The following TOR2A variants were observed in gnomAD, a reference collection of about 807,000 sequenced individuals.
The protein encoded by TOR2A is prosalusin.
A neutral mutation model predicts 28.6 loss-of-function variants in TOR2A; 24 were observed. The ratio of observed to expected loss-of-function variants is 0.84; its 90% CI spans 0.61 to 1.18. The LOEUF is 1.18. TOR2A is among the 50% of genes most tolerant of loss of function. The probability of loss-of-function intolerance (pLI) is 0.00; values close to 1 mark genes in which losing one functional copy is unlikely to be tolerated. For synonymous variants in TOR2A, 203 were observed against 203.1 expected (o/e 1.00, Z 0.00); for missense variants, 426 against 448.1 (o/e 0.95, Z 0.45).
chr9:127,734,997 T>TCGGTC (rs1844626839), intron 1 of TOR2A, 123 bp downstream of exon 1: 1 of 1,291,610 alleles, frequency 7.7e-7, no homozygotes, highest in Non-Finnish European at 9.9e-7. Context: ...GCCCCGCCCC[T>TCGGTC]CGGTCCCACC....
rs563395281 is a variant in TOR2A at position 127,733,995 on chromosome 9, A to G, written c.417+304T>C. On this transcript the variant is annotated intron_variant, in intron 2 of 4. Transcript: ENST00000373284. ...TGGGGCTGATTTCCAGCAAGACAACAGTGCAGATTATCTGACAAACATAGG... is the reference window on the plus strand; with the variant it reads ...TGGGGCTGATTTCCAGCAAGACAACGGTGCAGATTATCTGACAAACATAGG... The G allele has an allele frequency of 7.4e-4, 318 of 429,196 alleles. 1 individual carries two copies. Among genetic ancestry groups the G allele is most frequent in the Middle Eastern group, 2.9e-3 (5 of 1,696 alleles). 26.6% of individuals were successfully genotyped at this position (429,196 alleles called of 1,614,324 possible). A position where few individuals can be genotyped will look rare whatever the true frequency, so the allele number is the denominator to read the frequency against.
intron 1 of TOR2A, 141 bp downstream of exon 1, chr9:127,734,979 G>A (rs140991537): frequency 1.1e-5 from 14 of 1,247,670 alleles, no homozygotes; most frequent in Non-Finnish European, 9.3e-6. Flanking sequence ...ACCCTCCCAA[G>A]TCTGCGGGCC....
rs368374441 is a variant in TOR2A, at chr9:127,732,585, C to T, written c.700G>A (p.Ala234Thr). The stretch of plus-strand genomic sequence containing the variant: ...TCACGGTGCGGGTTGTCCAGCACCG[C>T]GCGGGAGATGACCGGCTCCAGCTCC... ...LQELEPVISR[A>T]VLDNPHHGFS... is the part of the protein sequence containing the mutation. The change falls in exon 4 of 5, where the codon GCG becomes ACG. Residue 234 changes from alanine to threonine, a missense_variant. By Grantham distance (58) the Ala-to-Thr change is moderately conservative. Transcript: ENST00000373284. 40 of 1,590,810 alleles carry T rather than the reference C, an allele frequency of 2.5e-5. No homozygotes were observed. The highest frequency in any genetic ancestry group is 8.0e-5 in the South Asian group (7 of 87,792).
At chr9:127,732,511 C>A in intron 4 of TOR2A, 53 bp downstream of exon 4, 1 of 1,525,728 alleles carries the variant, frequency 6.6e-7, no homozygotes, top group Admixed American at 1.9e-5. Flanking sequence ...GAGAGCCTGG[C>A]CCCTGGGTGT....
At chr9:127,734,073 CCTGGCATGTAGGT>C in intron 2 of TOR2A, 1 of 490,992 alleles carries the variant, frequency 2.0e-6, no homozygotes. Context: ...TCACAACAAC[CCTGGCATGTAGGT>C]ACTGCCAGGG....
chr9:127,732,574 G>A lies in TOR2A; in HGVS notation c.711C>T (p.Asp237=). Residue 237 remains aspartate, a synonymous_variant, in exon 4 of 5, where the codon GAC becomes GAT. Coordinates refer to ENST00000373284, the MANE Select transcript of TOR2A (RefSeq NM_001085347.3). ...LEPVISRAVL[D]NPHHGFSNSG... ...CTGAGCCAGACTCACGGTGCGGGTT[G>A]TCCAGCACCGCGCGGGAGATGACCG... The A allele has an allele frequency of 6.3e-7, 1 of 1,591,740 alleles. No homozygotes were observed. The highest frequency in any genetic ancestry group is 1.1e-5 in the South Asian group (1 of 88,160).
Position 127,735,231 on chromosome 9 carries a change from G to A in TOR2A, c.40C>T (p.Leu14Phe). Reference protein sequence around the residue: ...ATRGCRPWGSLLGLLGLVSAA... With the variant: ...ATRGCRPWGSFLGLLGLVSAA... ...GAGACCAGCCCGAGCAGCCCGAGGAGCGAGCCCCAGGGCCGGCAGCCGCGC... is the reference window on the plus strand; with the variant it reads ...GAGACCAGCCCGAGCAGCCCGAGGAACGAGCCCCAGGGCCGGCAGCCGCGC... Residue 14 changes from leucine to phenylalanine, a missense_variant, in exon 1 of 5, where the codon CTC (leucine) becomes TTC (phenylalanine). By Grantham distance (22) the Leu-to-Phe change is conservative. Coordinates refer to ENST00000373284, the MANE Select transcript of TOR2A (RefSeq NM_001085347.3). The A allele has an allele frequency of 6.9e-7, 1 of 1,457,130 alleles. No individual in the cohort carries two copies. The allele number at this position is 1,457,130 out of a possible 1,614,324, so 90.3% of individuals were successfully genotyped here. A position where few individuals can be genotyped will look rare whatever the true frequency, so the allele number is the denominator to read the frequency against.
At position 127,732,096 on chromosome 9, in the gene TOR2A, C is replaced by T. The variant is rs748816852; in HGVS notation, c.904G>A (p.Glu302Lys). ...CAGCCGTTGGAGGAGAAGAGCTGCT[C>T]GTCTTCAGGGAAGAAGGTGGTGCTG... ...LDSTTFFPED[E>K]QLFSSNGCKT... The change falls in exon 5 of 5, where the codon GAG becomes AAG. Residue 302 changes from glutamate (E) to lysine (K), a missense_variant. By Grantham distance (56) the Glu-to-Lys change is moderately conservative (BLOSUM62 1). Transcript: ENST00000373284. 22 of 1,613,744 alleles carry T rather than the reference C, an allele frequency of 1.4e-5. No homozygotes were observed. The African/African-American group carries it at 1.6e-4, about 12-fold the overall frequency.
chr9:127,733,258 G>A, intron 3 of TOR2A, 127 bp downstream of exon 3: 1 of 1,612,852 alleles, frequency 6.2e-7, no homozygotes, highest in African/African-American at 1.3e-5. Flanking sequence ...GAGTGGCGGA[G>A]GGCACTGGGA....
At position 127,732,547 on chromosome 9, in the gene TOR2A, T is replaced by C. The variant is rs756041438; in HGVS notation, c.721+17A>G. 1.9e-6 allele frequency: 3 copies of C among 1,570,992 alleles called. No individual in the cohort carries two copies. Among genetic ancestry groups the C allele is most frequent in the African/African-American group, 1.3e-5 (1 of 74,450 alleles). On this transcript the variant is annotated intron_variant, in intron 4 of 4. Coordinates refer to ENST00000373284, the MANE Select transcript of TOR2A (RefSeq NM_001085347.3). ...GGGGTGAAGCTGCCCGGGAGGGGGCTGCTGAGCCAGACTCACGGTGCGGGT... is the reference window on the plus strand; with the variant it reads ...GGGGTGAAGCTGCCCGGGAGGGGGCCGCTGAGCCAGACTCACGGTGCGGGT...
At chr9:127,734,715 G>GACCACC in intron 1 of TOR2A, 151 bp from the exon 2 acceptor site, 1 of 965,768 alleles carries the variant, frequency 1.0e-6, no homozygotes, top group South Asian at 2.7e-5. Context: ...GGTCTGTGGC[G>GACCACC]GAAAAGAGCC....
intron 2 of TOR2A, chr9:127,733,916 A>G: frequency 2.5e-6 from 1 of 407,724 alleles, no homozygotes; most frequent in Non-Finnish European, 4.4e-6. Flanking sequence ...CCTGCAATCA[A>G]CAACAGTAGT....
chr9:127,734,658 C>T (rs1844612504), intron 1 of TOR2A, 94 bp from the exon 2 acceptor site: 25 of 1,344,252 alleles, frequency 1.9e-5, no homozygotes, highest in Non-Finnish European at 2.9e-6. Flanking sequence ...ACTCCTGTGT[C>T]CTTACGTTTG....
intron 3 of TOR2A, chr9:127,733,144 G>T (rs1844530917): frequency 1.3e-6 from 2 of 1,538,140 alleles, no homozygotes; most frequent in African/African-American, 2.8e-5. Flanking sequence ...TCTTGACCTG[G>T]CAGGGCTTCC....
At position 127,734,919 on chromosome 9, in the gene TOR2A, G is replaced by C. The variant is rs957599341; in HGVS notation, c.151+201C>G. On this transcript the variant is annotated intron_variant, in intron 1 of 4. Coordinates refer to ENST00000373284, the MANE Select transcript of TOR2A (RefSeq NM_001085347.3). ...TTCCACCAAGGGTTCTGCTGGCTGA[G>C]GCCTCTCTCCAGGTTGGCAGGGCCT... 4 of 740,248 alleles carry C rather than the reference G, an allele frequency of 5.4e-6. No individual in the cohort carries two copies. The African/African-American group carries it at 7.4e-5, about 14-fold the overall frequency. The allele number at this position is 740,248 out of a possible 1,614,324, so 45.9% of individuals were successfully genotyped here.
At chr9:127,734,962 A>C (rs915470593) in intron 1 of TOR2A, 158 bp downstream of exon 1, 1 of 1,115,002 alleles carries the variant, frequency 9.0e-7, no homozygotes, top group Non-Finnish European at 1.2e-6. Flanking sequence ...CTCAACGGGT[A>C]CCCTCCACCC....
At chr9:127,734,879 G>C in intron 1 of TOR2A, 1 of 593,786 alleles carries the variant, frequency 1.7e-6, no homozygotes, top group East Asian at 3.5e-5. Context: ...GGCCATTCCG[G>C]GGAGGCCCAA....
At position 127,734,512 on chromosome 9, in the gene TOR2A, C is replaced by A. The variant is rs1019193373; in HGVS notation, c.204G>T (p.Ala68=). The A allele has an allele frequency of 1.3e-6, 2 of 1,551,170 alleles. No homozygotes were observed. Among genetic ancestry groups the A allele is most frequent in the African/African-American group, 2.7e-5 (2 of 72,760 alleles). Residue 68 remains alanine, a synonymous_variant, in exon 2 of 5, where the codon GCG becomes GCT. Transcript: ENST00000373284. ...QHLAGQHLAK[A]LVVKALKAFV... The stretch of plus-strand genomic sequence containing the variant: ...AGGCCTTCAGCGCCTTCACCACCAG[C>A]GCCTTGGCCAGATGCTGGCCGGCCA...
At chr9:127,733,612 C>A (rs139699678) in intron 2 of TOR2A, 52 bp from the exon 3 acceptor site, 184 of 1,490,878 alleles carry the variant, frequency 1.2e-4, no homozygotes, top group Non-Finnish European at 1.6e-4. Flanking sequence ...TCCCCCAACA[C>A]CAGACCTCTT....
Sources: gnomAD v4.1 joint callset for allele counts on GRCh38, gnomAD v4.1.1 for gene constraint, MANE v1.5 for transcripts, NCBI Gene and HGNC (gene_info 2026-07-23, HGNC 2026-07-21) for gene names.